RNF216: variants seen among roughly 807,000 people sequenced by gnomAD.
The protein encoded by RNF216 is E3 ubiquitin-protein ligase RNF216.
In RNF216, 72 loss-of-function variants were observed where a neutral mutation model predicts 110.8. The observed-to-expected ratio is 0.65, with a 90% CI of 0.54 to 0.79. The LOEUF (loss-of-function observed/expected upper bound fraction) is 0.79. Among genes scored for constraint, RNF216 ranks in the 30% least tolerant of loss-of-function variants. RNF216 has a pLI of 0.00. For missense variants in RNF216, 1,342 were observed against 1,141.2 expected (o/e 1.18, Z -2.54); for synonymous variants, 495 against 407.5 (o/e 1.21, Z -2.59).
At chr7:5,727,005 G>A (rs1477942874) in intron 7 of RNF216, among the ~76,000 whole-genome samples, 1 of 152,186 alleles carries the variant, frequency 6.6e-6, no homozygotes, top group Non-Finnish European at 1.5e-5. Context: ...CTTTCAGGAA[G>A]ACTGGGTGGG....
chr7:5,672,205 T>TA (rs1789964817), intron 13 of RNF216, among the ~76,000 whole-genome samples: 3 of 152,254 alleles, frequency 2.0e-5, no homozygotes, highest in Admixed American at 1.3e-4. Flanking sequence ...AGACTGGGAC[T>TA]AAGTCCCAGA....
In RNF216 at chr7:5,652,414, T is replaced by C. The variant is rs762099212; in HGVS notation, c.2158A>G (p.Ile720Val). 57 of 1,604,522 alleles carry C rather than the reference T, an allele frequency of 3.6e-5. No homozygotes were observed. Among genetic ancestry groups the C allele is most frequent in the Admixed American group, 5.0e-5 (3 of 59,978 alleles). Reference sequence around the variant, plus strand: ...GCCCCTCTGAATTCTGTTACTCACATAGAGGTACGGTACTTGATGTCGTCT... The same window carrying C: ...GCCCCTCTGAATTCTGTTACTCACACAGAGGTACGGTACTTGATGTCGTCT... ...EKDDIKYRTS[I>V]EEKMTAARIR... is the part of the protein sequence containing the mutation. The change falls in exon 14 of 17, where the codon ATT (isoleucine) becomes GTT (valine). Residue 720 changes from isoleucine to valine, a missense_variant and splice_region_variant. By Grantham distance (29) the Ile-to-Val change is conservative. Transcript: ENST00000389902.
chr7:5,649,284 CG>C (rs1317216672), intron 14 of RNF216, among the ~76,000 whole-genome samples: 1 of 151,734 alleles, frequency 6.6e-6, no homozygotes. Flanking sequence ...CCCAGCTACT[CG>C]GGAGGCTGAG....
At chr7:5,743,515 A>G (rs902981965) in intron 3 of RNF216, among the ~76,000 whole-genome samples, 2 of 152,200 alleles carry the variant, frequency 1.3e-5, no homozygotes, top group African/African-American at 4.8e-5. Context: ...TCTGTACTGA[A>G]ATGGGAAGCT....
chr7:5,716,866 C>T (rs895060977), intron 9 of RNF216, 100 bp from the exon 10 acceptor site: 1 of 891,288 alleles, frequency 1.1e-6, no homozygotes, highest in Non-Finnish European at 1.8e-6. Context: ...GTATTGCGAT[C>T]TCTTCAATTA....
In RNF216 at chr7:5,698,015, C is replaced by T. The variant is rs1333270013; in HGVS notation, c.2061+13746G>A. 2.6e-5 allele frequency among the ~76,000 whole-genome samples: 4 copies of T among 152,216 alleles called. No homozygotes were observed. The East Asian group carries it at 7.7e-4, about 29-fold the overall frequency. ...GGATCAGCTTCTCAGACATAGGCAG[C>T]TTTTGAAACTTCAAATGCTTTTCAT... On this transcript the variant is annotated intron_variant, in intron 13 of 16. Transcript: ENST00000389902.
At chr7:5,670,307 G>C (rs1789820069) in intron 13 of RNF216, among the ~76,000 whole-genome samples, 1 of 152,094 alleles carries the variant, frequency 6.6e-6, no homozygotes, top group South Asian at 2.1e-4. Flanking sequence ...CTGCTCCCCT[G>C]AGATGACACA....
intron 13 of RNF216, among the ~76,000 whole-genome samples, chr7:5,667,175 T>C (rs1789584296): frequency 6.6e-6 from 1 of 152,204 alleles, no homozygotes. Context: ...AGATTATGAC[T>C]AGTGGATTTA....
intron 3 of RNF216, among the ~76,000 whole-genome samples, 181 bp from the exon 4 acceptor site, chr7:5,741,996 A>G (rs549495325): frequency 2.6e-5 from 4 of 152,328 alleles, no homozygotes; most frequent in Admixed American, 2.6e-4. Flanking sequence ...ACTATCTGTA[A>G]GAATCAAAGT....
chr7:5,733,322 G>C (rs1794199165), intron 5 of RNF216, among the ~76,000 whole-genome samples: 1 of 152,160 alleles, frequency 6.6e-6, no homozygotes, highest in East Asian at 1.9e-4. Flanking sequence ...GACACAAAAA[G>C]CACAGAGGGT....
intron 13 of RNF216, among the ~76,000 whole-genome samples, chr7:5,703,492 T>A (rs1562408029): frequency 6.6e-6 from 1 of 152,258 alleles, no homozygotes; most frequent in Non-Finnish European, 1.5e-5. Flanking sequence ...GATGCCTGTT[T>A]TTTAACCAAC....
At chr7:5,669,159 C>T (rs899424342) in intron 13 of RNF216, among the ~76,000 whole-genome samples, 1 of 152,194 alleles carries the variant, frequency 6.6e-6, no homozygotes, top group African/African-American at 2.4e-5. Context: ...CACCTGCCAG[C>T]CTGAGAGGAA....
At chr7:5,720,946 C>T (rs936550810) in intron 9 of RNF216, 87 bp downstream of exon 9, 1 of 1,319,646 alleles carries the variant, frequency 7.6e-7, no homozygotes, top group African/African-American at 1.5e-5. Context: ...AAAGGGAAAT[C>T]TTAAAAGACA....
intron 1 of RNF216, among the ~76,000 whole-genome samples, chr7:5,773,706 C>T (rs755840461): frequency 4.6e-5 from 7 of 151,660 alleles, no homozygotes; most frequent in African/African-American, 1.5e-4. Flanking sequence ...GTAGCTGGGA[C>T]GACACATGCG....
chr7:5,691,153 C>T (rs925711770), intron 13 of RNF216, among the ~76,000 whole-genome samples: 1 of 151,902 alleles, frequency 6.6e-6, no homozygotes, highest in African/African-American at 2.4e-5. Context: ...AGACGGTGAG[C>T]CTGGGTGATC....
At chr7:5,658,726 TCATTA>T (rs1168042251) in intron 13 of RNF216, among the ~76,000 whole-genome samples, 1 of 152,138 alleles carries the variant, frequency 6.6e-6, no homozygotes, top group African/African-American at 2.4e-5. Flanking sequence ...ATGATTTATT[TCATTA>T]CACCCTTTTA....
intron 13 of RNF216, among the ~76,000 whole-genome samples, chr7:5,689,594 G>A (rs949638125): frequency 1.3e-5 from 2 of 152,106 alleles, no homozygotes; most frequent in Non-Finnish European, 2.9e-5. Flanking sequence ...CATAAGAAAT[G>A]TAGTTTTAGG....
chr7:5,727,916 T>G (rs1378143078), intron 7 of RNF216, among the ~76,000 whole-genome samples: 3 of 151,486 alleles, frequency 2.0e-5, no homozygotes, highest in Non-Finnish European at 2.9e-5. Flanking sequence ...ACTCTCAAAG[T>G]CCTATCACCA....
chr7:5,691,894 C>A (rs1009842808), intron 13 of RNF216, among the ~76,000 whole-genome samples: 1 of 152,224 alleles, frequency 6.6e-6, no homozygotes, highest in East Asian at 1.9e-4. Flanking sequence ...GCTTTTACAG[C>A]GGAAGTCAAG....
Sources: gnomAD v4.1 joint callset for allele counts (sites outside exome capture counted in the v4.1 genomes callset) on GRCh38, gnomAD v4.1.1 for gene constraint, MANE v1.5 for transcripts, NCBI Gene and HGNC (gene_info 2026-07-23, HGNC 2026-07-21) for gene names.